The following CECR2 variants were observed in gnomAD, a reference collection of about 807,000 sequenced individuals.
The protein encoded by CECR2 is CECR2 histone acetyl-lysine reader.
Under a neutral mutation model 154.5 loss-of-function variants are expected in CECR2, and 30 were observed. That is an observed-to-expected ratio of 0.19 (90% CI 0.15 to 0.26). The LOEUF (loss-of-function observed/expected upper bound fraction) is 0.26, where lower values mean the gene tolerates loss of function less well. CECR2 is among the 10% of genes least tolerant of loss of function. CECR2 has a pLI of 1.00. For missense variants in CECR2, 1,743 were observed against 1,829.3 expected (o/e 0.95, Z 0.86); for synonymous variants, 725 against 683.7 (o/e 1.06, Z -0.94).
chr22:17,541,999 G>A, intron 15 of CECR2, 32 bp downstream of exon 15: 1 of 1,601,882 alleles, frequency 6.2e-7, no homozygotes, highest in Non-Finnish European at 8.5e-7. Flanking sequence ...TGCAGGTGCA[G>A]GGGGTCCCAC....
chr22:17,470,004 GT>G (rs1410952930), intron 1 of CECR2, among the ~76,000 whole-genome samples: 2 of 152,170 alleles, frequency 1.3e-5, no homozygotes. Flanking sequence ...CTGGCACATA[GT>G]ATGCCTTCAG....
intron 17 of CECR2, among the ~76,000 whole-genome samples, chr22:17,550,759 G>T (rs577661354): frequency 9.1e-4 from 138 of 152,244 alleles, no homozygotes; most frequent in African/African-American, 3.0e-3. Flanking sequence ...TGGCTAACAC[G>T]GTGAAACCCC....
chr22:17,501,493 G>A (rs1479454278), intron 5 of CECR2, among the ~76,000 whole-genome samples: 1 of 151,944 alleles, frequency 6.6e-6, no homozygotes, highest in Non-Finnish European at 1.5e-5. Context: ...GGGAGGCAGA[G>A]CTTGCAGTGA....
At chr22:17,551,388 C>T (rs1569161135) in intron 17 of CECR2, among the ~76,000 whole-genome samples, 1 of 150,980 alleles carries the variant, frequency 6.6e-6, no homozygotes, top group Non-Finnish European at 1.5e-5. Flanking sequence ...CATTTGGCTG[C>T]CGTGTCTGTT....
chr22:17,369,052 G>A (rs1465544852), upstream of CECR2, among the ~76,000 whole-genome samples: 1 of 152,076 alleles, frequency 6.6e-6, no homozygotes, highest in Non-Finnish European at 1.5e-5. Context: ...TCTGCCCTCG[G>A]CATCAATAAT....
In CECR2 at chr22:17,503,940, G is replaced by A. The variant is rs149046119; in HGVS notation, c.700+809G>A. Among the ~76,000 whole-genome samples the A allele has an allele frequency of 5.5e-3, 843 of 151,920 alleles. 25 individuals are homozygous for A. In the East Asian group the frequency reaches 0.1, roughly 19 times the overall value. ...CAGGCACCTGTAATCCCAACTACTC[G>A]GGAGGCTGAGGCAGGAGAATCACTT... On this transcript the variant is annotated intron_variant, in intron 6 of 18. Transcript: ENST00000262608.
chr22:17,439,168 CT>C (rs75068959), intron 1 of CECR2, among the ~76,000 whole-genome samples: 642 of 140,168 alleles, frequency 4.6e-3, no homozygotes, highest in African/African-American at 5.6e-3. Context: ...GAAACACTCC[CT>C]TTTTTTTTTT....
chr22:17,489,882 CTTTTT>C (rs139768297), intron 2 of CECR2, among the ~76,000 whole-genome samples: 1 of 140,496 alleles, frequency 7.1e-6, no homozygotes. Context: ...TTAGCTTGCT[CTTTTT>C]TTTTTTTTGC....
chr22:17,466,079 T>C (rs910867786), intron 1 of CECR2, among the ~76,000 whole-genome samples: 1 of 152,042 alleles, frequency 6.6e-6, no homozygotes, highest in Admixed American at 6.6e-5. Context: ...TGGAGCGCAG[T>C]GGTATGATCT....
intron 8 of CECR2, among the ~76,000 whole-genome samples, chr22:17,517,229 T>C (rs893442433): frequency 7.3e-5 from 11 of 149,856 alleles, no homozygotes; most frequent in African/African-American, 2.7e-4. Context: ...ACATGCGCAC[T>C]TGCGCTTTCT....
At chr22:17,361,446 G>A in intron 1 of CECR2, among the ~76,000 whole-genome samples, 1 of 151,488 alleles carries the variant, frequency 6.6e-6, no homozygotes, top group East Asian at 1.9e-4. Flanking sequence ...TTGCACTCCA[G>A]CCTGGACGAC....
intron 1 of CECR2, among the ~76,000 whole-genome samples, chr22:17,410,194 G>GTC (rs2054045552): frequency 6.6e-6 from 1 of 151,546 alleles, no homozygotes; most frequent in African/African-American, 2.4e-5. Context: ...GTTGGCCAGG[G>GTC]TCTTGCACTC....
intron 1 of CECR2, among the ~76,000 whole-genome samples, chr22:17,430,642 G>C (rs1028670229): frequency 6.6e-6 from 1 of 152,252 alleles, no homozygotes; most frequent in South Asian, 2.1e-4. Context: ...TCCTAAGCCT[G>C]ACTTGTACTC....
chr22:17,368,903 TC>T (rs2063020628), upstream of CECR2, among the ~76,000 whole-genome samples: 1 of 151,882 alleles, frequency 6.6e-6, no homozygotes, highest in South Asian at 2.1e-4. Context: ...ACCGCCTTCT[TC>T]CCTCGGAGAA....
intron 8 of CECR2, among the ~76,000 whole-genome samples, chr22:17,521,259 G>A (rs146586291): frequency 0.02 from 3,060 of 152,166 alleles, 99 homozygotes; most frequent in African/African-American, 0.071. Context: ...GCATCTGTTC[G>A]GCCGGGCGCA....
chr22:17,536,506 G>T (rs907984944), intron 9 of CECR2, among the ~76,000 whole-genome samples: 1 of 152,188 alleles, frequency 6.6e-6, no homozygotes, highest in Admixed American at 6.5e-5. Context: ...ATCCCAGCTG[G>T]CATCTTTCCC....
At chr22:17,474,278 A>G (rs2055174279) in intron 1 of CECR2, among the ~76,000 whole-genome samples, 1 of 152,160 alleles carries the variant, frequency 6.6e-6, no homozygotes, top group African/African-American at 2.4e-5. Flanking sequence ...ATATCATAGA[A>G]TTATATTTAA....
Position 17,555,617 on chromosome 22 carries a change from T to G in CECR2, c.*2777T>G, listed in dbSNP as rs994034057. 6.6e-6 allele frequency: 1 copy of G among 152,266 alleles called. No individual in the cohort carries two copies. Among genetic ancestry groups the G allele is most frequent in the African/African-American group, 2.4e-5 (1 of 41,472 alleles). 9.4% of individuals were successfully genotyped at this position (152,266 alleles called of 1,614,324 possible). On this transcript the variant is annotated 3_prime_UTR_variant, in exon 19 of 19. Coordinates refer to ENST00000262608, the MANE Select transcript of CECR2 (RefSeq NM_001290047.2). ...CTAGCACTTCTCTTTCCAAGTGTCT[T>G]AAGCAGATGCAATGTCTTAAAGCAG...
chr22:17,461,799 T>G (rs904187390), intron 1 of CECR2, among the ~76,000 whole-genome samples: 3 of 146,570 alleles, frequency 2.0e-5, no homozygotes, highest in Non-Finnish European at 4.4e-5. Context: ...TTACTTTTTT[T>G]TTTTTTTTTT....
Sources: allele counts gnomAD v4.1 joint callset (sites outside exome capture counted in the v4.1 genomes callset), GRCh38; gene constraint gnomAD v4.1.1; transcripts MANE v1.5; gene names NCBI Gene and HGNC (gene_info 2026-07-23, HGNC 2026-07-21).